Variants in PPFIBP2 observed in about 807,000 individuals in gnomAD.
PPFIBP2 encodes the protein PPFIB scaffold protein 2, also known as liprin-beta-2.
A neutral mutation model predicts 118.3 loss-of-function variants in PPFIBP2; 118 were observed. The ratio of observed to expected loss-of-function variants is 1.00; its 90% CI spans 0.86 to 1.16. The LOEUF is 1.16. PPFIBP2 is among the 50% of genes most tolerant of loss of function. The pLI is 0.00. For missense variants in PPFIBP2, 1,195 were observed against 1,073.1 expected, an observed-to-expected ratio of 1.11 and a Z score of -1.59; for synonymous variants, 414 against 397.4, an observed-to-expected ratio of 1.04 and a Z score of -0.50.
At chr11:7,592,448 A>C (rs553992032) in intron 3 of PPFIBP2, among the ~76,000 whole-genome samples, 1 of 151,534 alleles carries the variant, frequency 6.6e-6, no homozygotes, top group Admixed American at 6.6e-5. Flanking sequence ...CCCTCTGGCT[A>C]TTATTTAAGT....
intron 1 of PPFIBP2, among the ~76,000 whole-genome samples, chr11:7,517,723 G>A (rs993683730): frequency 6.6e-6 from 1 of 152,196 alleles, no homozygotes; most frequent in African/African-American, 2.4e-5. Flanking sequence ...AGGTAAAGCA[G>A]AGTAGGTCAC....
chr11:7,562,371 G>A (rs1854397528), intron 2 of PPFIBP2, among the ~76,000 whole-genome samples: 1 of 152,214 alleles, frequency 6.6e-6, no homozygotes, highest in Non-Finnish European at 1.5e-5. Context: ...GGATGATTGA[G>A]TGTCCTTATA....
chr11:7,580,281 G>T (rs1857074560), intron 3 of PPFIBP2, among the ~76,000 whole-genome samples: 1 of 152,128 alleles, frequency 6.6e-6, no homozygotes, highest in African/African-American at 2.4e-5. Flanking sequence ...TGTAGCCCAG[G>T]TCTGCAGCAC....
chr11:7,651,842 C>G lies in PPFIBP2; in HGVS notation c.2434C>G (p.Arg812Gly). 1 of 1,607,622 alleles carries G rather than the reference C, an allele frequency of 6.2e-7. No homozygotes were observed. The highest frequency in any genetic ancestry group is 8.5e-7 in the Non-Finnish European group (1 of 1,174,912). Residue 812 changes from arginine (R) to glycine (G), a missense_variant and splice_region_variant, in exon 23 of 24, where the codon CGG (arginine) becomes GGG (glycine). Transcript: ENST00000299492. Reference sequence around the variant, plus strand: ...ACCACTGACCACCACAGCCAAAGTCCGGGTGAGTTGCAGAGCCTTTCTGGG... The same window carrying G: ...ACCACTGACCACCACAGCCAAAGTCGGGGTGAGTTGCAGAGCCTTTCTGGG... ...YTPLTTTAKV[R>G]PRKLGFSHFG...
intron 3 of PPFIBP2, chr11:7,568,910 C>G (rs1469052650): frequency 6.6e-6 from 1 of 152,196 alleles, no homozygotes; most frequent in Non-Finnish European, 1.5e-5. Flanking sequence ...TGGATGCACA[C>G]CTTAGGTCCA....
chr11:7,619,647 T>C (rs1205558847), intron 6 of PPFIBP2, among the ~76,000 whole-genome samples: 1 of 152,156 alleles, frequency 6.6e-6, no homozygotes, highest in African/African-American at 2.4e-5. Flanking sequence ...TGGTGGTGCC[T>C]GAGTGGGAAA....
chr11:7,524,501 A>G (rs973538419), intron 1 of PPFIBP2, among the ~76,000 whole-genome samples: 1 of 152,224 alleles, frequency 6.6e-6, no homozygotes, highest in Non-Finnish European at 1.5e-5. Context: ...TCATGAGGTC[A>G]GGGTAGTGTT....
intron 1 of PPFIBP2, among the ~76,000 whole-genome samples, chr11:7,547,112 T>C (rs1008782960): frequency 6.6e-6 from 1 of 152,148 alleles, no homozygotes; most frequent in African/African-American, 2.4e-5. Context: ...AACAAATACA[T>C]AGAACAAGAT....
At chr11:7,541,077 C>T (rs1851727656) in intron 1 of PPFIBP2, among the ~76,000 whole-genome samples, 1 of 152,176 alleles carries the variant, frequency 6.6e-6, no homozygotes. Flanking sequence ...GCCCCTGAGG[C>T]TGTCTAAGCA....
intron 1 of PPFIBP2, among the ~76,000 whole-genome samples, chr11:7,517,010 A>T (rs1849287510): frequency 6.6e-6 from 1 of 152,026 alleles, no homozygotes; most frequent in African/African-American, 2.4e-5. Flanking sequence ...AAAAAGAAAA[A>T]CTTAATTTTT....
At chr11:7,635,211 T>A (rs1454878383) in intron 13 of PPFIBP2, among the ~76,000 whole-genome samples, 2 of 152,160 alleles carry the variant, frequency 1.3e-5, no homozygotes, top group Non-Finnish European at 2.9e-5. Flanking sequence ...ATACCATCCC[T>A]TGGTCTCCAA....
intron 5 of PPFIBP2, among the ~76,000 whole-genome samples, chr11:7,609,872 G>T (rs1847856314): frequency 6.6e-6 from 1 of 152,124 alleles, no homozygotes; most frequent in Non-Finnish European, 1.5e-5. Flanking sequence ...GCTGAGCATT[G>T]GTTGAGCCCA....
chr11:7,636,450 GTCT>G (rs1318048150), intron 14 of PPFIBP2, among the ~76,000 whole-genome samples: 1 of 152,130 alleles, frequency 6.6e-6, no homozygotes, highest in African/African-American at 2.4e-5. Flanking sequence ...TATAGCAAAA[GTCT>G]TCTGCCTGCT....
At chr11:7,531,564 T>C (rs1040849187) in intron 1 of PPFIBP2, among the ~76,000 whole-genome samples, 15 of 152,092 alleles carry the variant, frequency 9.9e-5, no homozygotes, top group African/African-American at 3.6e-4. Flanking sequence ...CTCTCCTGGA[T>C]TAAGAGGGAA....
chr11:7,614,848 A>G (rs1353991491), intron 6 of PPFIBP2, among the ~76,000 whole-genome samples: 1 of 152,236 alleles, frequency 6.6e-6, no homozygotes, highest in Non-Finnish European at 1.5e-5. Flanking sequence ...ATAAAGAAGA[A>G]CTTTAATGGT....
intron 3 of PPFIBP2, among the ~76,000 whole-genome samples, chr11:7,589,547 C>T (rs574588689): frequency 3.3e-5 from 5 of 151,802 alleles, no homozygotes; most frequent in East Asian, 1.9e-4. Context: ...GAGCCTAGAT[C>T]GCACCACTGC....
chr11:7,651,459 T>C (rs370427567), intron 22 of PPFIBP2, 197 bp from the exon 23 acceptor site: 6 of 515,056 alleles, frequency 1.2e-5, no homozygotes, highest in African/African-American at 7.6e-5. Flanking sequence ...AGGTGGTCAG[T>C]CAGCACATGT....
chr11:7,589,626 C>T (rs1283751962), intron 3 of PPFIBP2, among the ~76,000 whole-genome samples: 5 of 151,556 alleles, frequency 3.3e-5, no homozygotes, highest in African/African-American at 1.2e-4. Context: ...AAAAAAAAAC[C>T]TCAGAAAATT....
chr11:7,634,641 T>C (rs1412274700), intron 13 of PPFIBP2, 89 bp downstream of exon 13: 3 of 968,204 alleles, frequency 3.1e-6, no homozygotes, highest in Admixed American at 1.9e-5. Flanking sequence ...TCCTGGTCCC[T>C]ACCTTGTAGA....
Sources: gnomAD v4.1 joint callset for allele counts (sites outside exome capture counted in the v4.1 genomes callset) on GRCh38, gnomAD v4.1.1 for gene constraint, MANE v1.5 for transcripts, NCBI Gene and HGNC (gene_info 2026-07-23, HGNC 2026-07-21) for gene names.